The following KIF16B variants were observed in gnomAD, a reference collection of about 807,000 sequenced individuals.
KIF16B encodes the protein kinesin-like protein KIF16B.
KIF16B carries 98 observed loss-of-function variants against 156.3 expected under a neutral mutation model. That is an observed-to-expected ratio of 0.63 (90% CI 0.53 to 0.74). KIF16B has a LOEUF of 0.74. Among genes scored for constraint, KIF16B ranks in the 30% least tolerant of loss-of-function variants. The pLI is 0.00. For missense variants in KIF16B, 1,421 were observed against 1,606.5 expected (o/e 0.88, Z 1.97); for synonymous variants, 564 against 583.7 (o/e 0.97, Z 0.49).
intron 1 of KIF16B, among the ~76,000 whole-genome samples, chr20:16,552,407 A>G (rs1011734620): frequency 6.6e-6 from 1 of 152,206 alleles, no homozygotes; most frequent in African/African-American, 2.4e-5. Flanking sequence ...AGCCATTATG[A>G]GCTTCGTTGA....
intron 15 of KIF16B, among the ~76,000 whole-genome samples, chr20:16,421,531 C>T (rs1040735485): frequency 2.6e-5 from 4 of 152,164 alleles, no homozygotes; most frequent in African/African-American, 9.7e-5. Context: ...TTCCATTTCC[C>T]ATTTTAATAA....
intron 1 of KIF16B, among the ~76,000 whole-genome samples, chr20:16,538,574 C>T (rs970048405): frequency 3.3e-5 from 5 of 151,792 alleles, no homozygotes; most frequent in Non-Finnish European, 7.4e-5. Flanking sequence ...AGTACATATA[C>T]TTAGTTATAG....
At chr20:16,521,187 T>C (rs932729041) in intron 3 of KIF16B, among the ~76,000 whole-genome samples, 4 of 152,000 alleles carry the variant, frequency 2.6e-5, no homozygotes, top group African/African-American at 9.7e-5. Flanking sequence ...TTGGCAGAAG[T>C]AGGCTTCAGA....
At chr20:16,534,689 T>A (rs1036151823) in intron 1 of KIF16B, among the ~76,000 whole-genome samples, 1 of 152,196 alleles carries the variant, frequency 6.6e-6, no homozygotes, top group African/African-American at 2.4e-5. Flanking sequence ...GACTTTTGTA[T>A]ACAGTGAGAG....
chr20:16,495,937 T>G (rs557425214), intron 11 of KIF16B, among the ~76,000 whole-genome samples: 1 of 152,286 alleles, frequency 6.6e-6, no homozygotes, highest in East Asian at 1.9e-4. Context: ...GCGATCCTCC[T>G]GCCTCAACCT....
rs770267648 is a variant in KIF16B at position 16,508,045 on chromosome 20, C to T, written c.612G>A (p.Ala204=). ...CTGCGGTGGTCCGGTTGATATTGCC[C>T]GCATCCATAAGTTCTTCTACGTCAC... ...NYGDVEELMD[A]GNINRTTAAT... Residue 204 remains alanine (A), a synonymous_variant, in exon 7 of 26, where the codon GCG becomes GCA. Coordinates refer to ENST00000354981, the MANE Select transcript of KIF16B (RefSeq NM_024704.5). The T allele has an allele frequency of 5.6e-6, 9 of 1,613,878 alleles. No homozygotes were observed. In the East Asian group the frequency reaches 6.7e-5, roughly 12 times the overall value.
intron 22 of KIF16B, chr20:16,367,390 C>T (rs1286126811): frequency 2.5e-6 from 4 of 1,612,872 alleles, no homozygotes; most frequent in East Asian, 2.2e-5. Flanking sequence ...AACAACAACA[C>T]ACCTGAATTC....
chr20:16,388,154 C>T (rs887578863), intron 17 of KIF16B, among the ~76,000 whole-genome samples: 3 of 152,032 alleles, frequency 2.0e-5, no homozygotes, highest in African/African-American at 7.2e-5. Context: ...ACAAAAAATG[C>T]CGTAAAGATG....
In KIF16B at chr20:16,399,746, T is replaced by C. The variant is rs546421796; in HGVS notation, c.1784+5067A>G. On this transcript the variant is annotated intron_variant, in intron 17 of 25. Transcript: ENST00000354981. The stretch of plus-strand genomic sequence containing the variant: ...CCTCTTGACAACCTGCTCCTCTTCC[T>C]CCCATATTTCTGTTTCAGCTGGGTG... Among the ~76,000 whole-genome samples the C allele has an allele frequency of 2.0e-5, 3 of 152,256 alleles. No homozygotes were observed. In the East Asian group the frequency reaches 5.8e-4, roughly 29 times the overall value.
intron 25 of KIF16B, among the ~76,000 whole-genome samples, chr20:16,308,831 C>T (rs760189263): frequency 6.6e-6 from 1 of 152,236 alleles, no homozygotes; most frequent in East Asian, 1.9e-4. Context: ...ACTGAAAATA[C>T]ATTAAGAAGC....
intron 17 of KIF16B, among the ~76,000 whole-genome samples, chr20:16,393,552 A>G (rs950408968): frequency 7.9e-5 from 12 of 152,342 alleles, no homozygotes; most frequent in African/African-American, 2.9e-4. Flanking sequence ...GAAGTTCCTT[A>G]TCTGGAAACA....
At chr20:16,278,874 T>C (rs1302191639) in intron 25 of KIF16B, among the ~76,000 whole-genome samples, 1 of 152,216 alleles carries the variant, frequency 6.6e-6, no homozygotes, top group Non-Finnish European at 1.5e-5. Context: ...CAAGTCTGTC[T>C]ACACCGGGCA....
At chr20:16,403,695 C>T (rs1376538166) in intron 17 of KIF16B, among the ~76,000 whole-genome samples, 1 of 152,170 alleles carries the variant, frequency 6.6e-6, no homozygotes, top group Admixed American at 6.5e-5. Context: ...CTTGCTGGCC[C>T]ATAAAATGAG....
At chr20:16,471,083 C>T (rs991297628) in intron 12 of KIF16B, among the ~76,000 whole-genome samples, 4 of 152,092 alleles carry the variant, frequency 2.6e-5, no homozygotes, top group East Asian at 1.9e-4. Context: ...CTCTACTGAA[C>T]GAGGTTTTGA....
chr20:16,448,896 GAGAGA>G, intron 12 of KIF16B, among the ~76,000 whole-genome samples: 2 of 151,868 alleles, frequency 1.3e-5, no homozygotes, highest in Admixed American at 1.3e-4. Flanking sequence ...GAGAGAGAGA[GAGAGA>G]GGGAGGAAAC....
At chr20:16,392,170 G>A (rs8124834) in intron 17 of KIF16B, among the ~76,000 whole-genome samples, 7,108 of 152,184 alleles carry the variant, frequency 0.047, 193 homozygotes, top group African/African-American at 0.083. Flanking sequence ...CCATACAGAT[G>A]CACTCACAGA....
intron 1 of KIF16B, among the ~76,000 whole-genome samples, chr20:16,552,230 C>T (rs757891714): frequency 2.0e-5 from 3 of 152,116 alleles, no homozygotes; most frequent in Non-Finnish European, 4.4e-5. Context: ...AAATAGGAAG[C>T]TCCCTAACAC....
intron 17 of KIF16B, among the ~76,000 whole-genome samples, chr20:16,394,437 CAT>C (rs536760348): frequency 2.2e-3 from 341 of 152,322 alleles, no homozygotes; most frequent in Admixed American, 3.2e-3. Context: ...GCTTTCATCA[CAT>C]GTTCCCCAAG....
intron 15 of KIF16B, 149 bp downstream of exon 15, chr20:16,426,955 A>C (rs773092900): frequency 8.7e-6 from 5 of 572,436 alleles, no homozygotes; most frequent in Non-Finnish European, 1.5e-5. Context: ...AGCCAAACAG[A>C]AGAGAAACAG....
Sources: allele counts gnomAD v4.1 joint callset (sites outside exome capture counted in the v4.1 genomes callset), GRCh38; gene constraint gnomAD v4.1.1; transcripts MANE v1.5; gene names NCBI Gene and HGNC (gene_info 2026-07-23, HGNC 2026-07-21).